PPIC: variants seen among roughly 807,000 people sequenced by gnomAD.
PPIC encodes peptidyl-prolyl cis-trans isomerase C.
Under a neutral mutation model 19.5 loss-of-function variants are expected in PPIC, and 19 were observed. The observed-to-expected ratio is 0.98, with a 90% confidence interval of 0.68 to 1.43. The LOEUF (loss-of-function observed/expected upper bound fraction) is 1.43, where lower values mean the gene tolerates loss of function less well. PPIC is among the 40% of genes most tolerant of loss of function. PPIC has a pLI of 0.00. For synonymous variants in PPIC, 107 were observed against 101.2 expected (o/e 1.06, Z -0.34); for missense variants, 268 against 268.6 (o/e 1.00, Z 0.02).
Position 123,023,390 on chromosome 5 carries a change from A to G in PPIC, c.*485T>C, listed in dbSNP as rs45561935. 2,451 of 152,386 alleles carry G rather than the reference A, an allele frequency of 0.016. 58 individuals are homozygous for G. The highest frequency in any genetic ancestry group is 0.042 in the African/African-American group (1,730 of 41,554). 9.4% of individuals were successfully genotyped at this position (152,386 alleles called of 1,614,324 possible). A position where few individuals can be genotyped will look rare whatever the true frequency, so the allele number is the denominator to read the frequency against. On this transcript the variant is annotated 3_prime_UTR_variant, in exon 5 of 5. Transcript: ENST00000306442. ...AAAGTCTTGCAAAAAGAGTTGATCT[A>G]AAAGTATTTAATATAAAGAACAGCA... is the stretch of plus-strand genomic sequence containing the variant.
chr5:123,023,751 G>GAAA lies in PPIC; in HGVS notation c.*123_*124insTTT. On this transcript the variant is annotated 3_prime_UTR_variant, in exon 5 of 5. Transcript: ENST00000306442. The stretch of plus-strand genomic sequence containing the variant: ...ATTTTTATAACTTTCCTGTGATCTG[G>GAAA]GATAGAATACAAAAAGAAAGTAAAA... 1 of 1,364,116 alleles carries GAAA rather than the reference G, an allele frequency of 7.3e-7. No individual in the cohort carries two copies. The highest frequency in any genetic ancestry group is 9.6e-7 in the Non-Finnish European group (1 of 1,038,844). 84.5% of individuals were successfully genotyped at this position (1,364,116 alleles called of 1,614,324 possible). A position where few individuals can be genotyped will look rare whatever the true frequency, so the allele number is the denominator to read the frequency against.
chr5:123,029,011 G>A (rs886816560), intron 2 of PPIC, 143 bp from the exon 3 acceptor site: 1 of 861,938 alleles, frequency 1.2e-6, no homozygotes. Context: ...GGTTTACTGA[G>A]AGAAATTTAT....
In PPIC at chr5:123,023,836, A is replaced by G. The variant is rs534440216; in HGVS notation, c.*39T>C. On this transcript the variant is annotated 3_prime_UTR_variant, in exon 5 of 5. Coordinates refer to ENST00000306442, the MANE Select transcript of PPIC (RefSeq NM_000943.5). ...CACACACACACACACACACACACACACCCCTGCCAAAGCATATCCTTGTTT... is the reference window on the plus strand; with the variant it reads ...CACACACACACACACACACACACACGCCCCTGCCAAAGCATATCCTTGTTT... 3 of 1,602,836 alleles carry G rather than the reference A, an allele frequency of 1.9e-6. No homozygotes were observed. Among genetic ancestry groups the G allele is most frequent in the Non-Finnish European group, 2.6e-6 (3 of 1,174,838 alleles).
intron 3 of PPIC, among the ~76,000 whole-genome samples, chr5:123,027,408 A>G (rs1435400561): frequency 6.6e-6 from 1 of 152,220 alleles, no homozygotes; most frequent in Non-Finnish European, 1.5e-5. Flanking sequence ...AAGGTAGCAG[A>G]AAAGAGGGCA....
intron 4 of PPIC, among the ~76,000 whole-genome samples, chr5:123,024,753 G>C (rs929937474): frequency 1.3e-5 from 2 of 152,206 alleles, no homozygotes; most frequent in Admixed American, 1.3e-4. Context: ...CAGCGAGCAA[G>C]ACTGGTTTAT....
intron 3 of PPIC, among the ~76,000 whole-genome samples, chr5:123,026,666 G>A (rs925664103): frequency 6.6e-6 from 1 of 152,224 alleles, no homozygotes; most frequent in African/African-American, 2.4e-5. Flanking sequence ...TCAGGACACA[G>A]AGGATGATGA....
In PPIC at chr5:123,031,360, G is replaced by A. The variant is rs151042232; in HGVS notation, c.118-1942C>T. Among the ~76,000 whole-genome samples, 513 of 152,278 alleles carry A rather than the reference G, an allele frequency of 3.4e-3. 4 individuals are homozygous for A. Among genetic ancestry groups the A allele is most frequent in the African/African-American group, 0.012 (487 of 41,554 alleles). ...ACTGTATGCCCAGGCCTGCAGGAAC[G>A]GTGAGGCTAAGGAGGAAGGCTTGAA... is the stretch of plus-strand genomic sequence containing the variant. On this transcript the variant is annotated intron_variant, in intron 1 of 4. Transcript: ENST00000306442.
chr5:123,031,338 G>C (rs907943042), intron 1 of PPIC, among the ~76,000 whole-genome samples: 14 of 152,314 alleles, frequency 9.2e-5, no homozygotes, highest in African/African-American at 3.1e-4. Context: ...CCCAAACACT[G>C]TATGCCCAGG....
At position 123,027,017 on chromosome 5, in the gene PPIC, A is replaced by C. The variant is rs1401331419; in HGVS notation, c.326-1049T>G. Among the ~76,000 whole-genome samples the C allele has an allele frequency of 2.6e-5, 4 of 151,946 alleles. No individual in the cohort carries two copies. In the South Asian group the frequency reaches 6.3e-4, roughly 24 times the overall value. On this transcript the variant is annotated intron_variant, in intron 3 of 4. Coordinates refer to ENST00000306442, the MANE Select transcript of PPIC (RefSeq NM_000943.5). ...AGACCATCCTGGCTAACACGGTGAA[A>C]CCCTATCTCTACTAAAAATACAAAA...
chr5:123,031,073 AATTT>A (rs201204843), intron 1 of PPIC, among the ~76,000 whole-genome samples: 1,661 of 152,054 alleles, frequency 0.011, 13 homozygotes, highest in Middle Eastern at 0.051. Flanking sequence ...ATATTATTAT[AATTT>A]TTTTCCCCAA....
At position 123,036,133 on chromosome 5, in the gene PPIC, G is replaced by A. The variant is rs1490319205; in HGVS notation, c.117+376C>T. The A allele has an allele frequency of 9.0e-6, 2 of 222,608 alleles. No individual in the cohort carries two copies. Among genetic ancestry groups the A allele is most frequent in the African/African-American group, 4.7e-5 (2 of 42,114 alleles). 13.8% of individuals were successfully genotyped at this position (222,608 alleles called of 1,614,324 possible). ...CCGCCCCCCTCCCCGCATTCCTCTCGTTCTGCTCCCGAGCCCAGGCCACGC... is the reference window on the plus strand; with the variant it reads ...CCGCCCCCCTCCCCGCATTCCTCTCATTCTGCTCCCGAGCCCAGGCCACGC... On this transcript the variant is annotated intron_variant, in intron 1 of 4. Coordinates refer to ENST00000306442, the MANE Select transcript of PPIC (RefSeq NM_000943.5). This position sits in a 1 kb window ranked among gnomAD's most constrained non-coding sequence, Gnocchi z 4.5.
intron 1 of PPIC, among the ~76,000 whole-genome samples, chr5:123,029,715 A>G (rs948412520): frequency 6.6e-6 from 1 of 152,176 alleles, no homozygotes; most frequent in African/African-American, 2.4e-5. Flanking sequence ...GAAGTCTTCA[A>G]TAATTCTTCT....
In PPIC at chr5:123,025,866, C is replaced by G; in HGVS notation, c.428G>C (p.Gly143Ala). 1 of 1,614,076 alleles carries G rather than the reference C, an allele frequency of 6.2e-7. No homozygotes were observed. Among genetic ancestry groups the G allele is most frequent in the Non-Finnish European group, 8.5e-7 (1 of 1,180,010 alleles). Residue 143 changes from glycine (G) to alanine (A), a missense_variant, in exon 4 of 5, where the codon GGC becomes GCC. Coordinates refer to ENST00000306442, the MANE Select transcript of PPIC (RefSeq NM_000943.5). ...SMANAGPDTNGSQFFITLTKP... is the reference protein window; with the variant it reads ...SMANAGPDTNASQFFITLTKP... ...GGTCAAGGTGATAAAGAACTGAGAG[C>G]CATTGGTGTCAGGCCCAGCGTTGGC...
At position 123,023,594 on chromosome 5, in the gene PPIC, TA is replaced by T. The variant is rs1277469134; in HGVS notation, c.*280del. ...TGAATTCAGAAAAAAAATATTGCAT[TA>T]AAAAAATAGCCAATTCAAAGTTTTT... On this transcript the variant is annotated 3_prime_UTR_variant, in exon 5 of 5. Coordinates refer to ENST00000306442, the MANE Select transcript of PPIC (RefSeq NM_000943.5). The T allele has an allele frequency of 1.8e-5, 4 of 224,782 alleles. No individual in the cohort carries two copies. The highest frequency in any genetic ancestry group is 6.8e-5 in the African/African-American group (3 of 43,896). 13.9% of individuals were successfully genotyped at this position (224,782 alleles called of 1,614,324 possible).
intron 1 of PPIC, among the ~76,000 whole-genome samples, chr5:123,032,381 T>C (rs10455038): frequency 0.51 from 77,211 of 152,084 alleles, 20,495 homozygotes; most frequent in East Asian, 0.95. Context: ...TTATTGTTAA[T>C]AGGGCTCTCC....
intron 1 of PPIC, among the ~76,000 whole-genome samples, chr5:123,035,492 T>G (rs552029293): frequency 4.5e-4 from 69 of 152,282 alleles, no homozygotes; most frequent in Middle Eastern, 3.4e-3. Flanking sequence ...GATGCTGAGC[T>G]GGACCTCCTC....
At position 123,023,778 on chromosome 5, in the gene PPIC, A is replaced by C; in HGVS notation, c.*97T>G. 1 of 1,405,154 alleles carries C rather than the reference A, an allele frequency of 7.1e-7. No individual in the cohort carries two copies. Among genetic ancestry groups the C allele is most frequent in the Non-Finnish European group, 9.3e-7 (1 of 1,070,494 alleles). 87.0% of individuals were successfully genotyped at this position (1,405,154 alleles called of 1,614,324 possible). ...ATAGAATACAAAAAGAAAGTAAAAA[A>C]AAAAAAGCAAATAATTGAAAGACAA... On this transcript the variant is annotated 3_prime_UTR_variant, in exon 5 of 5. Transcript: ENST00000306442.
In PPIC at chr5:123,036,483, AG is replaced by A. The variant is rs1337121058; in HGVS notation, c.117+25del. The A allele has an allele frequency of 6.3e-7, 1 of 1,577,388 alleles. No individual in the cohort carries two copies. The highest frequency in any genetic ancestry group is 8.7e-7 in the Non-Finnish European group (1 of 1,154,304). ...CCAGGGCCCCGCCCGCAACAGGGGA[AG>A]TTGCAGCCCGCCGCTCTCGGTCACC... On this transcript the variant is annotated intron_variant, in intron 1 of 4. Coordinates refer to ENST00000306442, the MANE Select transcript of PPIC (RefSeq NM_000943.5). The surrounding 1 kb of genome is among the most constrained non-coding windows in gnomAD (Gnocchi z 4.5).
At chr5:123,032,434 T>C (rs2150190479) in intron 1 of PPIC, among the ~76,000 whole-genome samples, 1 of 152,306 alleles carries the variant, frequency 6.6e-6, no homozygotes, top group African/African-American at 2.4e-5. Flanking sequence ...ACAGTGTTTT[T>C]AGTTCCCCAG....
Sources: allele counts gnomAD v4.1 joint callset (sites outside exome capture counted in the v4.1 genomes callset), GRCh38; gene constraint gnomAD v4.1.1; non-coding constraint Gnocchi (gnomAD v3.1); transcripts MANE v1.5; gene names NCBI Gene and HGNC (gene_info 2026-07-23, HGNC 2026-07-21).